The following KCNE1 variants were observed in gnomAD, a reference collection of about 807,000 sequenced individuals.
KCNE1 encodes the protein potassium voltage-gated channel subfamily E member 1.
Under a neutral mutation model 2.9 loss-of-function variants are expected in KCNE1, and 1 was observed. That is an observed-to-expected ratio of 0.34 (90% CI 0.12 to 1.62). The LOEUF is 1.62. Ranked by LOEUF, KCNE1 falls within the 40% of genes most tolerant of loss-of-function variation. The probability of loss-of-function intolerance (pLI) is 0.36; values close to 1 mark genes in which losing one functional copy is unlikely to be tolerated. For missense variants in KCNE1, 45 were observed against 150.5 expected, an observed-to-expected ratio of 0.30 and a Z score of 3.67; for synonymous variants, 23 against 65.4, an observed-to-expected ratio of 0.35 and a Z score of 3.13.
intron 2 of KCNE1, among the ~76,000 whole-genome samples, chr21:34,501,881 T>A (rs1983190269): frequency 6.6e-6 from 1 of 152,158 alleles, no homozygotes; most frequent in Non-Finnish European, 1.5e-5. Context: ...AAGGTGCACC[T>A]CAGCTACACT....
intron 2 of KCNE1, among the ~76,000 whole-genome samples, chr21:34,497,529 A>T (rs1325685962): frequency 6.6e-6 from 1 of 152,198 alleles, no homozygotes; most frequent in East Asian, 1.9e-4. Context: ...TCTTGCTTAT[A>T]GGGTTTCTGC....
intron 2 of KCNE1, among the ~76,000 whole-genome samples, chr21:34,500,143 C>T (rs1983076921): frequency 6.6e-6 from 1 of 152,064 alleles, no homozygotes; most frequent in Non-Finnish European, 1.5e-5. Context: ...CTATTTTCCC[C>T]TTCAAAGGAA....
At chr21:34,499,109 A>G (rs957814166) in intron 2 of KCNE1, among the ~76,000 whole-genome samples, 1 of 152,160 alleles carries the variant, frequency 6.6e-6, no homozygotes, top group African/African-American at 2.4e-5. Flanking sequence ...TCTCAGGCCA[A>G]TGGGGCTATG....
At chr21:34,505,799 T>C (rs1337327381) in intron 2 of KCNE1, among the ~76,000 whole-genome samples, 1 of 152,214 alleles carries the variant, frequency 6.6e-6, no homozygotes, top group Non-Finnish European at 1.5e-5. Context: ...AACACCCTTA[T>C]GCATTACTGT....
intron 2 of KCNE1, among the ~76,000 whole-genome samples, chr21:34,505,725 T>G (rs1161589620): frequency 6.6e-6 from 1 of 152,166 alleles, no homozygotes; most frequent in African/African-American, 2.4e-5. Flanking sequence ...GTGTCCTGAG[T>G]GGCCCACGCA....
At chr21:34,497,019 G>C (rs1982852525) in intron 2 of KCNE1, among the ~76,000 whole-genome samples, 1 of 152,114 alleles carries the variant, frequency 6.6e-6, no homozygotes, top group Non-Finnish European at 1.5e-5. Flanking sequence ...TGGAGTATCT[G>C]TTTCCATTCC....
At chr21:34,504,492 G>A (rs1456572077) in intron 2 of KCNE1, among the ~76,000 whole-genome samples, 1 of 152,196 alleles carries the variant, frequency 6.6e-6, no homozygotes, top group Non-Finnish European at 1.5e-5. Flanking sequence ...CGGTACAGCT[G>A]CCTTGGAAAA....
intron 2 of KCNE1, among the ~76,000 whole-genome samples, chr21:34,498,981 C>T (rs1181798386): frequency 6.6e-6 from 1 of 152,116 alleles, no homozygotes; most frequent in Non-Finnish European, 1.5e-5. Context: ...CTTTTGTGAT[C>T]AACTACCAGG....
chr21:34,449,528 CG>C lies in KCNE1; in HGVS notation c.106del (p.Arg36AlafsTer28), dbSNP rs1568836956. 1.1e-6 allele frequency: 1 copy of C among 927,380 alleles called. No homozygotes were observed. The highest frequency in any genetic ancestry group is 1.5e-6 in the Non-Finnish European group (1 of 685,408). 57.4% of individuals were successfully genotyped at this position (927,380 alleles called of 1,614,324 possible). ...GGCCTCCAGCTTGCCGTCACTGCTGCGGGGGGACCTGCGGGCCAGGCCCGAC... is the reference window on the plus strand; with the variant it reads ...GGCCTCCAGCTTGCCGTCACTGCTGCGGGGGACCTGCGGGCCAGGCCCGAC... ...NMSGLARRSPRSSDGKLEALY... is the reference protein window; with the variant it reads ...NMSGLARRSPXSSDGKLEALY... On this transcript the variant is annotated frameshift_variant, in exon 4 of 4. Coordinates refer to ENST00000399286, the MANE Select transcript of KCNE1 (RefSeq NM_000219.6). LOFTEE classifies it high-confidence loss of function.
Position 34,501,887 on chromosome 21 carries a change from A to G in KCNE1, c.-162+9214T>C, listed in dbSNP as rs41314835. Among the ~76,000 whole-genome samples, 579 of 152,306 alleles carry G rather than the reference A, an allele frequency of 3.8e-3. 1 individual carries two copies. The highest frequency in any genetic ancestry group is 0.013 in the African/African-American group (532 of 41,552). ...TCTCCAGTCAAGGTGCACCTCAGCT[A>G]CACTCTGGACTGTAGTAACAATGTG... On this transcript the variant is annotated intron_variant, in intron 2 of 3. Coordinates refer to ENST00000399286, the MANE Select transcript of KCNE1 (RefSeq NM_000219.6).
Position 34,451,747 on chromosome 21 carries a change from C to T in KCNE1, c.-50-2063G>A, listed in dbSNP as rs146895574. Among the ~76,000 whole-genome samples, 41 of 63,396 alleles carry T rather than the reference C, an allele frequency of 6.5e-4. 16 individuals carry two copies. In the East Asian group the frequency reaches 0.022, roughly 34 times the overall value. 41.6% of individuals were successfully genotyped at this position (63,396 alleles called of 152,430 possible). On this transcript the variant is annotated intron_variant, in intron 3 of 3. Transcript: ENST00000399286. ...TTACCTGCTCTCTTCTCTTCCTACTCTCCTCTCTCCCAGGGTGACTGCACC... is the reference window on the plus strand; with the variant it reads ...TTACCTGCTCTCTTCTCTTCCTACTTTCCTCTCTCCCAGGGTGACTGCACC...
chr21:34,504,962 G>A (rs570744472), intron 2 of KCNE1, among the ~76,000 whole-genome samples: 3 of 152,268 alleles, frequency 2.0e-5, no homozygotes, highest in Non-Finnish European at 2.9e-5. Flanking sequence ...TTGTTTGGAG[G>A]TGATGAAAAT....
intron 2 of KCNE1, chr21:34,510,420 A>C (rs1983775746): frequency 6.6e-6 from 1 of 152,076 alleles, no homozygotes; most frequent in African/African-American, 2.4e-5. Flanking sequence ...CCTCCCCTCC[A>C]GCCACAGGGT....
chr21:34,502,877 T>G (rs1480668715), intron 2 of KCNE1, among the ~76,000 whole-genome samples: 2 of 152,196 alleles, frequency 1.3e-5, no homozygotes, highest in African/African-American at 4.8e-5. Context: ...GAGCTCACCA[T>G]GACTTCTATT....
chr21:34,508,274 C>T (rs896648741), intron 2 of KCNE1, among the ~76,000 whole-genome samples: 3 of 151,946 alleles, frequency 2.0e-5, no homozygotes, highest in Non-Finnish European at 4.4e-5. Context: ...GCAATCTGCC[C>T]GCCTCGGCTT....
chr21:34,506,363 A>C (rs1283164834), intron 2 of KCNE1, among the ~76,000 whole-genome samples: 1 of 152,208 alleles, frequency 6.6e-6, no homozygotes, highest in Non-Finnish European at 1.5e-5. Context: ...GAACACAGCC[A>C]GGGGGCATGG....
chr21:34,508,189 G>GAGGCATACACCA (rs1277103028), intron 2 of KCNE1, among the ~76,000 whole-genome samples: 4 of 146,358 alleles, frequency 2.7e-5, no homozygotes, highest in Non-Finnish European at 6.0e-5. Flanking sequence ...ACCACTCCTA[G>GAGGCATACACCA]CTTTTTTTTT....
intron 2 of KCNE1, chr21:34,509,799 G>C (rs990131548): frequency 6.6e-6 from 1 of 152,206 alleles, no homozygotes; most frequent in Non-Finnish European, 1.5e-5. Flanking sequence ...ACATGTGCAG[G>C]TTCATTATTG....
Position 34,446,737 on chromosome 21 carries a change from T to C in KCNE1, c.*2508A>G, listed in dbSNP as rs566164652. 5 of 79,684 alleles carry C rather than the reference T, an allele frequency of 6.3e-5. 2 individuals are homozygous for C. The highest frequency in any genetic ancestry group is 2.4e-4 in the African/African-American group (5 of 20,888). 4.9% of individuals were successfully genotyped at this position (79,684 alleles called of 1,614,324 possible). A position where few individuals can be genotyped will look rare whatever the true frequency, so the allele number is the denominator to read the frequency against. ...TTTAGCGAAATCTCACTACTGCAAATGCATTGTTGTCCTAGCTAATGAATG... is the reference window on the plus strand; with the variant it reads ...TTTAGCGAAATCTCACTACTGCAAACGCATTGTTGTCCTAGCTAATGAATG... On this transcript the variant is annotated 3_prime_UTR_variant, in exon 4 of 4. Transcript: ENST00000399286.
Sources: gnomAD v4.1 joint callset for allele counts (sites outside exome capture counted in the v4.1 genomes callset) on GRCh38, gnomAD v4.1.1 for gene constraint, MANE v1.5 for transcripts, NCBI Gene and HGNC (gene_info 2026-07-23, HGNC 2026-07-21) for gene names.